Variants in MAP3K6 observed in about 807,000 individuals in gnomAD.
MAP3K6 encodes the protein apoptosis signal-regulating kinase 2.
A neutral mutation model predicts 147.1 loss-of-function variants in MAP3K6; 105 were observed. The ratio of observed to expected loss-of-function variants is 0.71; its 90% CI spans 0.61 to 0.84. The LOEUF (loss-of-function observed/expected upper bound fraction) is 0.84, where lower values mean the gene tolerates loss of function less well. Among genes scored for constraint, MAP3K6 ranks in the 40% least tolerant of loss-of-function variants. The probability of loss-of-function intolerance (pLI) is 0.00; values close to 1 mark genes in which losing one functional copy is unlikely to be tolerated. For missense variants in MAP3K6, 1,569 were observed against 1,715.0 expected (o/e 0.91, Z 1.50); for synonymous variants, 695 against 732.4 (o/e 0.95, Z 0.82).
chr1:27,362,174 G>A lies in MAP3K6; in HGVS notation c.1332C>T (p.Tyr444=), dbSNP rs1313812753. Residue 444 remains tyrosine, a synonymous_variant, in exon 9 of 29, where the codon TAC becomes TAT. Coordinates refer to ENST00000357582, the MANE Select transcript of MAP3K6 (RefSeq NM_004672.5). ...KMQYYWDVGF[Y]LGAQILANDP... The stretch of plus-strand genomic sequence containing the variant: ...CATTGGCGAGGATCTGGGCTCCCAG[G>A]TAGAAACCCACATCCCAGTAATACT... 2 of 1,613,572 alleles carry A rather than the reference G, an allele frequency of 1.2e-6. No homozygotes were observed. Among genetic ancestry groups the A allele is most frequent in the South Asian group, 1.1e-5 (1 of 91,086 alleles).
rs1557560540 is a variant in MAP3K6, at chr1:27,360,221, A to G, written c.2182+20T>C. 1 of 1,613,134 alleles carries G rather than the reference A, an allele frequency of 6.2e-7. No individual in the cohort carries two copies. ...TGCTTCACACCTCGGTTTCATTCCC[A>G]TCCCACACAGGGCAGGTACCTCCAG... is the stretch of plus-strand genomic sequence containing the variant. On this transcript the variant is annotated intron_variant, in intron 16 of 28. Coordinates refer to ENST00000357582, the MANE Select transcript of MAP3K6 (RefSeq NM_004672.5). The surrounding 1 kb of genome is among the most constrained non-coding windows in gnomAD (Gnocchi z 4.5).
In MAP3K6 at chr1:27,364,218, T is replaced by C; in HGVS notation, c.681A>G (p.Thr227=). 1.2e-6 allele frequency: 2 copies of C among 1,611,942 alleles called. No individual in the cohort carries two copies. The highest frequency in any genetic ancestry group is 1.7e-6 in the Non-Finnish European group (2 of 1,179,804). The change falls in exon 4 of 29, where the codon ACA becomes ACG. Residue 227 remains threonine, a synonymous_variant. Transcript: ENST00000357582. This position sits in a 1 kb window ranked among gnomAD's most constrained non-coding sequence, Gnocchi z 4.4. ...VGRLARLLEA[T]PTDSCGYFRE... ...GCCTTCATTACCAAGAGTCTGTGGGTGTGGCCTCCAGCAGGCGGGCAAGCC... is the reference window on the plus strand; with the variant it reads ...GCCTTCATTACCAAGAGTCTGTGGGCGTGGCCTCCAGCAGGCGGGCAAGCC...
In MAP3K6 at chr1:27,359,308, C is replaced by A; in HGVS notation, c.2425+109G>T. The A allele has an allele frequency of 6.7e-7, 1 of 1,502,218 alleles. No individual in the cohort carries two copies. 93.1% of individuals were successfully genotyped at this position (1,502,218 alleles called of 1,614,324 possible). ...ATCACTCACCCTGGGTTTCATTCCCCATTAGGACTCTAACTCCATGCCTAG... is the reference window on the plus strand; with the variant it reads ...ATCACTCACCCTGGGTTTCATTCCCAATTAGGACTCTAACTCCATGCCTAG... On this transcript the variant is annotated intron_variant, in intron 18 of 28. Transcript: ENST00000357582. This position sits in a 1 kb window ranked among gnomAD's most constrained non-coding sequence, Gnocchi z 4.4.
At position 27,361,784 on chromosome 1, in the gene MAP3K6, C is replaced by A. The variant is rs751286317; in HGVS notation, c.1499G>T (p.Arg500Leu). 1 of 1,611,886 alleles carries A rather than the reference C, an allele frequency of 6.2e-7. No individual in the cohort carries two copies. The highest frequency in any genetic ancestry group is 8.5e-7 in the Non-Finnish European group (1 of 1,179,068). ...CAAGAAGTGGAGCCAGAAGTGGGCA[C>A]GGCGTGGTGGCCCTCCAGGGGGCTC... Reference protein sequence around the residue: ...TPEPPGGPPRRAHFWLHFLLQ... With the variant: ...TPEPPGGPPRLAHFWLHFLLQ... Residue 500 changes from arginine to leucine, a missense_variant, in exon 10 of 29, where the codon CGT (arginine) becomes CTT (leucine). By Grantham distance (102) the Arg-to-Leu change is moderately radical. Coordinates refer to ENST00000357582, the MANE Select transcript of MAP3K6 (RefSeq NM_004672.5).
rs533055702 is a variant in MAP3K6, at chr1:27,359,777, A to G, written c.2319+81T>C. The G allele has an allele frequency of 2.4e-4, 376 of 1,590,948 alleles. 1 individual carries two copies. The African/African-American group carries it at 4.6e-3, about 19-fold the overall frequency. ...TGCAACAGGTCTGCTCACTTAATCT[A>G]AACTGCCAGCCTGCGTCTGGGACCA... On this transcript the variant is annotated intron_variant, in intron 17 of 28. Coordinates refer to ENST00000357582, the MANE Select transcript of MAP3K6 (RefSeq NM_004672.5). The surrounding 1 kb of genome is among the most constrained non-coding windows in gnomAD (Gnocchi z 4.4).
Position 27,364,656 on chromosome 1 carries a change from C to G in MAP3K6, c.504+5G>C. The G allele has an allele frequency of 6.2e-7, 1 of 1,614,154 alleles. No homozygotes were observed. Among genetic ancestry groups the G allele is most frequent in the East Asian group, 2.2e-5 (1 of 44,886 alleles). On this transcript the variant is annotated splice_donor_5th_base_variant and intron_variant, in intron 3 of 28. Transcript: ENST00000357582. The surrounding 1 kb of genome is among the most constrained non-coding windows in gnomAD (Gnocchi z 4.4). ...ACTTTTGAGTGAGAGGTGGATTCTG[C>G]TCACCGAGTTCTTCTGGAAAACATC...
chr1:27,355,448 G>C lies in MAP3K6; in HGVS notation c.3810C>G (p.Ile1270Met). The change falls in exon 29 of 29, where the codon ATC (isoleucine) becomes ATG (methionine). Residue 1270 changes from isoleucine to methionine, a missense_variant. Transcript: ENST00000357582. The part of the protein sequence containing the change: ...TRIRGGMVCR[I>M]WRAILAQRAG... ...CTCGCTGTGCCAAGATGGCCCTCCA[G>C]ATGCGGCATACCATCCCTCCCCTGG... 6.2e-7 allele frequency: 1 copy of C among 1,614,166 alleles called. No homozygotes were observed. The highest frequency in any genetic ancestry group is 1.1e-5 in the South Asian group (1 of 91,082).
Position 27,360,365 on chromosome 1 carries a change from G to A in MAP3K6, c.2058C>T (p.Phe686=), listed in dbSNP as rs533065437. Residue 686 remains phenylalanine, a synonymous_variant, in exon 16 of 29, where the codon TTC becomes TTT. Coordinates refer to ENST00000357582, the MANE Select transcript of MAP3K6 (RefSeq NM_004672.5). This position sits in a 1 kb window ranked among gnomAD's most constrained non-coding sequence, Gnocchi z 4.5. The part of the protein sequence containing the change: ...IKEIPERDSR[F]SQPLHEEIAL... Reference sequence around the variant, plus strand: ...CGATCTCTTCATGCAGGGGCTGAGAGAACCTGAGGGGAGGTAAGGGAGAGA... The same window carrying A: ...CGATCTCTTCATGCAGGGGCTGAGAAAACCTGAGGGGAGGTAAGGGAGAGA... The A allele has an allele frequency of 5.0e-6, 8 of 1,613,556 alleles. No individual in the cohort carries two copies. In the South Asian group the frequency reaches 7.7e-5, roughly 16 times the overall value.
In MAP3K6 at chr1:27,366,365, G is replaced by A. The variant is rs888151536; in HGVS notation, c.233C>T (p.Ala78Val). 3 of 1,274,030 alleles carry A rather than the reference G, an allele frequency of 2.4e-6. No homozygotes were observed. Among genetic ancestry groups the A allele is most frequent in the Admixed American group, 4.2e-5 (1 of 23,706 alleles). The allele number at this position is 1,274,030 out of a possible 1,614,324, so 78.9% of individuals were successfully genotyped here. A position where few individuals can be genotyped will look rare whatever the true frequency, so the allele number is the denominator to read the frequency against. ...CCGCGGCCGGGGGACCTGCGCGCAA[G>A]CCTCGCGCAGGCAGCGCAGGGGCAG... ...EPLPLRCLRE[A>V]CAQVPRPRPP... Residue 78 changes from alanine to valine, a missense_variant, in exon 1 of 29, where the codon GCT becomes GTT. Transcript: ENST00000357582. The surrounding 1 kb of genome is among the most constrained non-coding windows in gnomAD (Gnocchi z 5.5).
In MAP3K6 at chr1:27,360,643, G is replaced by C. The variant is rs1178982446; in HGVS notation, c.2054+62C>G. ...CCCGCCCACAGGAGCCGCTCCGCTC[G>C]TGGCCCGGCTCACTCGGCCCTCGCG... On this transcript the variant is annotated intron_variant, in intron 15 of 28. Coordinates refer to ENST00000357582, the MANE Select transcript of MAP3K6 (RefSeq NM_004672.5). This position sits in a 1 kb window ranked among gnomAD's most constrained non-coding sequence, Gnocchi z 4.5. 2 of 1,555,966 alleles carry C rather than the reference G, an allele frequency of 1.3e-6. No individual in the cohort carries two copies. Among genetic ancestry groups the C allele is most frequent in the African/African-American group, 1.4e-5 (1 of 73,486 alleles).
In MAP3K6 at chr1:27,357,588, G is replaced by A; in HGVS notation, c.3082-12C>T. 6.2e-7 allele frequency: 1 copy of A among 1,601,770 alleles called. No individual in the cohort carries two copies. The highest frequency in any genetic ancestry group is 8.5e-7 in the Non-Finnish European group (1 of 1,173,068). Reference sequence around the variant, plus strand: ...CCCAGACGGGCCCCCTGAGAAGGAAGAGAGGGGTTGTCAGCGAGTGCTCCA... The same window carrying A: ...CCCAGACGGGCCCCCTGAGAAGGAAAAGAGGGGTTGTCAGCGAGTGCTCCA... On this transcript the variant is annotated splice_polypyrimidine_tract_variant and intron_variant, in intron 22 of 28. Transcript: ENST00000357582.
intron 23 of MAP3K6, 103 bp from the exon 24 acceptor site, chr1:27,357,217 G>A: frequency 7.8e-7 from 1 of 1,277,302 alleles, no homozygotes; most frequent in Non-Finnish European, 1.1e-6. Context: ...CGAGTGGGGT[G>A]GGCGGGCTTG....
Position 27,366,347 on chromosome 1 carries a change from C to G in MAP3K6, c.251G>C (p.Arg84Pro). The G allele has an allele frequency of 2.3e-6, 3 of 1,285,072 alleles. No individual in the cohort carries two copies. Among genetic ancestry groups the G allele is most frequent in the African/African-American group, 1.5e-5 (1 of 64,664 alleles). The allele number at this position is 1,285,072 out of a possible 1,614,324, so 79.6% of individuals were successfully genotyped here. Reference sequence around the variant, plus strand: ...GCGCAGCTGCGGGGGCGGCCGCGGCCGGGGGACCTGCGCGCAAGCCTCGCG... The same window carrying G: ...GCGCAGCTGCGGGGGCGGCCGCGGCGGGGGGACCTGCGCGCAAGCCTCGCG... The part of the protein sequence containing the change: ...CLREACAQVP[R>P]PRPPPQLRSL... The change falls in exon 1 of 29, where the codon CGG (arginine) becomes CCG (proline). Residue 84 changes from arginine (R) to proline (P), a missense_variant. By Grantham distance (103) the Arg-to-Pro change is moderately radical (BLOSUM62 -2). Coordinates refer to ENST00000357582, the MANE Select transcript of MAP3K6 (RefSeq NM_004672.5). This position sits in a 1 kb window ranked among gnomAD's most constrained non-coding sequence, Gnocchi z 5.5.
In MAP3K6 at chr1:27,360,229, C is replaced by G; in HGVS notation, c.2182+12G>C. On this transcript the variant is annotated intron_variant, in intron 16 of 28. Transcript: ENST00000357582. The surrounding 1 kb of genome is among the most constrained non-coding windows in gnomAD (Gnocchi z 4.5). ...ACCTCGGTTTCATTCCCATCCCACA[C>G]AGGGCAGGTACCTCCAGGCACTTCC... 1 of 1,613,616 alleles carries G rather than the reference C, an allele frequency of 6.2e-7. No individual in the cohort carries two copies.
At position 27,364,582 on chromosome 1, in the gene MAP3K6, G is replaced by A; in HGVS notation, c.504+79C>T. The A allele has an allele frequency of 1.9e-6, 3 of 1,602,764 alleles. No homozygotes were observed. The highest frequency in any genetic ancestry group is 2.2e-5 in the East Asian group (1 of 44,812). On this transcript the variant is annotated intron_variant, in intron 3 of 28. Transcript: ENST00000357582. The surrounding 1 kb of genome is among the most constrained non-coding windows in gnomAD (Gnocchi z 4.4). ...CAGTGGGGGGTTAGGTGACTGAGGA[G>A]GCCAGGGGGATTAGTGGAGGTCAGA...
At position 27,358,169 on chromosome 1, in the gene MAP3K6, C is replaced by A. The variant is rs148843380; in HGVS notation, c.2915+12G>T. Reference sequence around the variant, plus strand: ...AGGCAAAAGGAACCCATCCCAGGAGCCTTGGTCTCACCGGAGCTGGCTGGT... The same window carrying A: ...AGGCAAAAGGAACCCATCCCAGGAGACTTGGTCTCACCGGAGCTGGCTGGT... On this transcript the variant is annotated intron_variant, in intron 21 of 28. Transcript: ENST00000357582. The surrounding 1 kb of genome is among the most constrained non-coding windows in gnomAD (Gnocchi z 6.2). 3.1e-5 allele frequency: 49 copies of A among 1,572,592 alleles called. No homozygotes were observed. Among genetic ancestry groups the A allele is most frequent in the African/African-American group, 1.2e-4 (9 of 72,224 alleles).
chr1:27,364,618 G>T lies in MAP3K6; in HGVS notation c.504+43C>A, dbSNP rs760658830. 6.2e-7 allele frequency: 1 copy of T among 1,614,018 alleles called. No homozygotes were observed. ...TTAGTGGAGGTCAGAGGTCATAGCGGAAGTCAAAGGGCACTTTTGAGTGAG... is the reference window on the plus strand; with the variant it reads ...TTAGTGGAGGTCAGAGGTCATAGCGTAAGTCAAAGGGCACTTTTGAGTGAG... On this transcript the variant is annotated intron_variant, in intron 3 of 28. Transcript: ENST00000357582. This position sits in a 1 kb window ranked among gnomAD's most constrained non-coding sequence, Gnocchi z 4.4.
intron 9 of MAP3K6, 37 bp downstream of exon 9, chr1:27,362,054 C>T: frequency 1.9e-6 from 3 of 1,584,600 alleles, no homozygotes; most frequent in Non-Finnish European, 2.6e-6. Flanking sequence ...GAGCTGACAG[C>T]CCAGGTCAGG....
At position 27,366,604 on chromosome 1, in the gene MAP3K6, G is replaced by A. The variant is rs868231298; in HGVS notation, c.-7C>T. On this transcript the variant is annotated 5_prime_UTR_variant, in exon 1 of 29. Coordinates refer to ENST00000357582, the MANE Select transcript of MAP3K6 (RefSeq NM_004672.5). The surrounding 1 kb of genome is among the most constrained non-coding windows in gnomAD (Gnocchi z 5.5). ...GGGGACACGGCCCCGCCATGCGGGG[G>A]CGCTCAGGCGCGGGGCGCCGCGCAC... The A allele has an allele frequency of 1.9e-5, 20 of 1,077,140 alleles. No homozygotes were observed. The African/African-American group carries it at 2.7e-4, about 15-fold the overall frequency. The allele number at this position is 1,077,140 out of a possible 1,614,324, so 66.7% of individuals were successfully genotyped here.
Sources: allele counts gnomAD v4.1 joint callset, GRCh38; gene constraint gnomAD v4.1.1; non-coding constraint Gnocchi (gnomAD v3.1); transcripts MANE v1.5; gene names NCBI Gene and HGNC (gene_info 2026-07-23, HGNC 2026-07-21).